Variants in MARF1 observed in about 807,000 individuals in gnomAD.
The protein encoded by MARF1 is limkain-b1.
MARF1 carries 24 observed loss-of-function variants against 168.2 expected under a neutral mutation model. That is an observed-to-expected ratio of 0.14 (90% CI 0.10 to 0.20). MARF1 has a LOEUF of 0.20. Ranked by LOEUF, MARF1 falls within the 10% of genes least tolerant of loss-of-function variation. The probability of loss-of-function intolerance (pLI) is 1.00; values close to 1 mark genes in which losing one functional copy is unlikely to be tolerated. For missense variants in MARF1, 1,744 were observed against 2,143.6 expected, an observed-to-expected ratio of 0.81 and a Z score of 3.68; for synonymous variants, 868 against 822.4, an observed-to-expected ratio of 1.06 and a Z score of -0.95.
In MARF1 at chr16:15,615,964, A is replaced by T. The variant is rs905545076; in HGVS notation, c.3119T>A (p.Val1040Glu). The T allele has an allele frequency of 1.3e-6, 2 of 1,565,754 alleles. No individual in the cohort carries two copies. The highest frequency in any genetic ancestry group is 1.7e-6 in the Non-Finnish European group (2 of 1,154,182). ...CYIAEFGDLE[V>E]VQENQGGVPL... ...AACACCTCCTTGGTTTTCTTGCACT[A>T]CTTCTAGATCGCCAAACTCTGCAAT... The change falls in exon 16 of 27, where the codon GTA (valine) becomes GAA (glutamate). Residue 1040 changes from valine to glutamate, a missense_variant. By Grantham distance (121) the Val-to-Glu change is moderately radical. Transcript: ENST00000396368.
At position 15,617,415 on chromosome 16, in the gene MARF1, G is replaced by C; in HGVS notation, c.2841C>G (p.Pro947=). Reference sequence around the variant, plus strand: ...CGTCGTGTGACTGGGAAGACCCCAAGGGGCTCTGGCGGGCCTGACTGCTGG... The same window carrying C: ...CGTCGTGTGACTGGGAAGACCCCAACGGGCTCTGGCGGGCCTGACTGCTGG... The part of the protein sequence containing the change: ...LLPSSQARQS[P]LGSSQSHDGS... The change falls in exon 14 of 27, where the codon CCC becomes CCG. Residue 947 remains proline (P), a synonymous_variant. Coordinates refer to ENST00000396368, the MANE Select transcript of MARF1 (RefSeq NM_014647.4). 6.2e-7 allele frequency: 1 copy of C among 1,614,106 alleles called. No individual in the cohort carries two copies. The highest frequency in any genetic ancestry group is 1.1e-5 in the South Asian group (1 of 91,082).
intron 7 of MARF1, among the ~76,000 whole-genome samples, chr16:15,627,400 C>T (rs1201787658): frequency 6.6e-6 from 1 of 152,122 alleles, no homozygotes; most frequent in African/African-American, 2.4e-5. Context: ...CGGGTGATCA[C>T]CTGAGGTCAG....
intron 26 of MARF1, 87 bp from the exon 27 acceptor site, chr16:15,597,024 GATAATA>G: frequency 7.1e-7 from 1 of 1,400,866 alleles, no homozygotes; most frequent in South Asian, 1.5e-5. Context: ...TTTCTCAAAA[GATAATA>G]ATAGTAATAA....
At chr16:15,621,637 G>A in intron 12 of MARF1, 96 bp downstream of exon 12, 2 of 1,153,586 alleles carry the variant, frequency 1.7e-6, no homozygotes, top group African/African-American at 1.5e-5. Context: ...TCATCACAAG[G>A]GGGTGGGAAT....
intron 17 of MARF1, 135 bp downstream of exon 17, chr16:15,612,422 T>G: frequency 2.7e-6 from 2 of 750,686 alleles, no homozygotes; most frequent in South Asian, 3.2e-5. Context: ...ATTCCTGCCC[T>G]CTGAAGAAAG....
At chr16:15,630,602 G>T in intron 6 of MARF1, 98 bp from the exon 7 acceptor site, 1 of 1,108,186 alleles carries the variant, frequency 9.0e-7, no homozygotes, top group Non-Finnish European at 1.2e-6. Flanking sequence ...GAAAGGAAAG[G>T]CTGGACTATA....
At chr16:15,604,789 G>A (rs1229820004) in intron 21 of MARF1, among the ~76,000 whole-genome samples, 1 of 152,138 alleles carries the variant, frequency 6.6e-6, no homozygotes, top group Non-Finnish European at 1.5e-5. Context: ...GTAGGGATGG[G>A]GAGGCTAGAC....
At chr16:15,640,073 T>C (rs779313404) in intron 1 of MARF1, among the ~76,000 whole-genome samples, 1 of 152,200 alleles carries the variant, frequency 6.6e-6, no homozygotes, top group Non-Finnish European at 1.5e-5. Context: ...TCCCTAAAGA[T>C]GCTGCTCAGG....
At chr16:15,599,306 G>A (rs1029872934) in intron 25 of MARF1, 1 of 456,878 alleles carries the variant, frequency 2.2e-6, no homozygotes, top group Non-Finnish European at 3.9e-6. Flanking sequence ...GGGTCCTGCA[G>A]TCAGCTTCCA....
At chr16:15,620,334 GTC>G (rs1364227928) in intron 13 of MARF1, 115 bp downstream of exon 13, 2 of 527,748 alleles carry the variant, frequency 3.8e-6, no homozygotes, top group Non-Finnish European at 6.8e-6. Context: ...GAATGCCAGT[GTC>G]TCTGTCTCCT....
intron 4 of MARF1, 128 bp from the exon 5 acceptor site, chr16:15,633,971 G>C (rs2035417755): frequency 2.7e-6 from 2 of 743,064 alleles, no homozygotes; most frequent in African/African-American, 3.6e-5. Context: ...CAAGTTTTAA[G>C]GCTACCAACC....
Position 15,621,834 on chromosome 16 carries a change from C to T in MARF1, c.2538G>A (p.Ala846=), listed in dbSNP as rs772208891. ...AVVQMENLQD[A]IGAVNSLHRY... is the part of the protein sequence containing the mutation. ...TGTGGAGGCTATTCACTGCACCGAT[C>T]GCATCTTGTAAGTTTTCCATTTGCA... The change falls in exon 12 of 27, where the codon GCG becomes GCA. Residue 846 remains alanine, a synonymous_variant. Transcript: ENST00000396368. The T allele has an allele frequency of 4.3e-6, 7 of 1,614,076 alleles. No homozygotes were observed. Among genetic ancestry groups the T allele is most frequent in the Non-Finnish European group, 4.2e-6 (5 of 1,179,992 alleles).
rs370348350 is a variant in MARF1 at position 15,635,794 on chromosome 16, G to A, written c.693C>T (p.Ser231=). The change falls in exon 3 of 27, where the codon AGC becomes AGT. Residue 231 remains serine (S), a synonymous_variant. Coordinates refer to ENST00000396368, the MANE Select transcript of MARF1 (RefSeq NM_014647.4). ...AGYFPCSDFT[S]GAPGHLEEHI... is the part of the protein sequence containing the mutation. ...GCTCTTCCAAATGCCCTGGAGCCCC[G>A]CTTGTGAAATCAGAACAGGGGAAAT... 9.2e-5 allele frequency: 149 copies of A among 1,614,074 alleles called. No individual in the cohort carries two copies. Among genetic ancestry groups the A allele is most frequent in the Non-Finnish European group, 1.2e-4 (138 of 1,180,046 alleles).
At chr16:15,612,861 T>C in intron 16 of MARF1, 84 bp from the exon 17 acceptor site, 2 of 1,136,674 alleles carry the variant, frequency 1.8e-6, no homozygotes. Flanking sequence ...AGTCCCTGGC[T>C]TGAGTTCGAT....
chr16:15,602,830 A>C (rs932754312), intron 22 of MARF1: 1 of 307,042 alleles, frequency 3.3e-6, no homozygotes, highest in Admixed American at 4.8e-5. Flanking sequence ...CACTGGGGCC[A>C]TTAAACTGCA....
At chr16:15,602,511 TGAA>T (rs762441016) in intron 22 of MARF1, 40 of 478,700 alleles carry the variant, frequency 8.4e-5, no homozygotes, top group East Asian at 3.6e-4. Flanking sequence ...AAGACGACGA[TGAA>T]GAAGACGAAG....
At position 15,602,255 on chromosome 16, in the gene MARF1, C is replaced by T. The variant is rs759448883; in HGVS notation, c.4414-52G>A. ...GAAATATTAGTGACTGGCCCTGCCCCGTGGAAAGTGAAGGCCTCCCACTGA... is the reference window on the plus strand; with the variant it reads ...GAAATATTAGTGACTGGCCCTGCCCTGTGGAAAGTGAAGGCCTCCCACTGA... On this transcript the variant is annotated intron_variant, in intron 22 of 26. Transcript: ENST00000396368. The T allele has an allele frequency of 1.3e-5, 19 of 1,507,664 alleles. No homozygotes were observed. In the East Asian group the frequency reaches 1.6e-4, roughly 13 times the overall value. 93.4% of individuals were successfully genotyped at this position (1,507,664 alleles called of 1,614,324 possible).
In MARF1 at chr16:15,594,936, C is replaced by T. The variant is rs565934069; in HGVS notation, c.*1757G>A. The T allele has an allele frequency of 1.3e-5, 2 of 152,588 alleles. No individual in the cohort carries two copies. The highest frequency in any genetic ancestry group is 1.3e-4 in the Admixed American group (2 of 15,274). The allele number at this position is 152,588 out of a possible 1,614,324, so 9.5% of individuals were successfully genotyped here. A position where few individuals can be genotyped will look rare whatever the true frequency, so the allele number is the denominator to read the frequency against. Reference sequence around the variant, plus strand: ...AGGTGACTTGTAATGATACCTCTTACGGTTTTAAAGTCCACCACTCTTTAC... The same window carrying T: ...AGGTGACTTGTAATGATACCTCTTATGGTTTTAAAGTCCACCACTCTTTAC... On this transcript the variant is annotated 3_prime_UTR_variant, in exon 27 of 27. Transcript: ENST00000396368.
At position 15,635,834 on chromosome 16, in the gene MARF1, C is replaced by A. The variant is rs765650369; in HGVS notation, c.653G>T (p.Cys218Phe). The A allele has an allele frequency of 6.2e-7, 1 of 1,614,244 alleles. No individual in the cohort carries two copies. Among genetic ancestry groups the A allele is most frequent in the Admixed American group, 1.7e-5 (1 of 60,026 alleles). ...KLHQFPSLQG[C>F]TSAGYFPCSD... ...ACAGGGGAAATAGCCAGCGGAGGTG[C>A]AGCCCTGCAGACTCGGAAACTGATG... Residue 218 changes from cysteine to phenylalanine, a missense_variant, in exon 3 of 27, where the codon TGC (cysteine) becomes TTC (phenylalanine). Around this residue, in one of 7 missense-constraint regions of MARF1, gnomAD observed 318 missense variants for 336.6 expected, o/e 0.94. Coordinates refer to ENST00000396368, the MANE Select transcript of MARF1 (RefSeq NM_014647.4).
Sources: allele counts gnomAD v4.1 joint callset (sites outside exome capture counted in the v4.1 genomes callset), GRCh38; gene constraint gnomAD v4.1.1; regional missense constraint gnomAD v4.1.1; transcripts MANE v1.5; gene names NCBI Gene and HGNC (gene_info 2026-07-23, HGNC 2026-07-21).